PEX7: variants seen among roughly 807,000 people sequenced by gnomAD.
PEX7 encodes the protein PTS2 receptor.
PEX7 carries 34 observed loss-of-function variants against 47.5 expected under a neutral mutation model. The observed-to-expected ratio is 0.72, with a 90% CI of 0.54 to 0.95. PEX7 has a LOEUF of 0.95. PEX7 is among the 40% of genes least tolerant of loss of function. PEX7 has a pLI of 0.00. For missense variants in PEX7, 394 were observed against 400.3 expected, an observed-to-expected ratio of 0.98 and a Z score of 0.13; for synonymous variants, 141 against 148.8, an observed-to-expected ratio of 0.95 and a Z score of 0.38.
chr6:136,831,170 A>G (rs1368886084), intron 3 of PEX7, among the ~76,000 whole-genome samples: 2 of 152,202 alleles, frequency 1.3e-5, no homozygotes, highest in African/African-American at 4.8e-5. Context: ...ACAGTTCCAC[A>G]TGACTGGGGA....
chr6:136,898,003 A>C, intron 8 of PEX7, 139 bp from the exon 9 acceptor site: 1 of 633,464 alleles, frequency 1.6e-6, no homozygotes, highest in East Asian at 2.8e-5. Flanking sequence ...CGTAGGGCTT[A>C]ATAGTGGGGT....
At chr6:136,890,561 C>T (rs1254264458) in intron 8 of PEX7, among the ~76,000 whole-genome samples, 1 of 152,094 alleles carries the variant, frequency 6.6e-6, no homozygotes, top group Non-Finnish European at 1.5e-5. Flanking sequence ...TGTCTGTCTT[C>T]TCCCCCTCCT....
intron 8 of PEX7, among the ~76,000 whole-genome samples, chr6:136,891,949 A>C (rs1188478434): frequency 6.6e-6 from 1 of 152,142 alleles, no homozygotes; most frequent in Non-Finnish European, 1.5e-5. Context: ...AATCCCTTCC[A>C]AAAATGTTAC....
chr6:136,863,994 T>C (rs1366896913), intron 5 of PEX7, among the ~76,000 whole-genome samples: 1 of 152,182 alleles, frequency 6.6e-6, no homozygotes, highest in East Asian at 1.9e-4. Flanking sequence ...TGTAAAGCTG[T>C]AAAGTGTGCA....
At chr6:136,870,104 C>A in intron 7 of PEX7, 101 bp downstream of exon 7, 2 of 737,288 alleles carry the variant, frequency 2.7e-6, no homozygotes, top group Non-Finnish European at 2.1e-6. Flanking sequence ...ATTGGAGTTA[C>A]TAATTCTTTT....
At chr6:136,854,644 G>T (rs1230549019) in intron 5 of PEX7, among the ~76,000 whole-genome samples, 1 of 152,134 alleles carries the variant, frequency 6.6e-6, no homozygotes, top group African/African-American at 2.4e-5. Context: ...AGTCCAAGTC[G>T]AATTAAAGTT....
At chr6:136,898,085 T>TA in intron 8 of PEX7, 57 bp from the exon 9 acceptor site, 1 of 1,013,258 alleles carries the variant, frequency 9.9e-7, no homozygotes, top group Non-Finnish European at 1.6e-6. Context: ...TTTTTCTTAA[T>TA]ATAAGTTTTT....
At chr6:136,877,589 G>T (rs1775298313) in intron 8 of PEX7, among the ~76,000 whole-genome samples, 1 of 152,126 alleles carries the variant, frequency 6.6e-6, no homozygotes. Context: ...CCCATTGCTT[G>T]TTTTTGTCAG....
chr6:136,825,216 T>C lies in PEX7; in HGVS notation c.133T>C (p.Cys45Arg). 1.9e-6 allele frequency: 3 copies of C among 1,613,652 alleles called. No individual in the cohort carries two copies. Among genetic ancestry groups the C allele is most frequent in the Non-Finnish European group, 2.5e-6 (3 of 1,179,586 alleles). The change falls in exon 2 of 10, where the codon TGT becomes CGT. Residue 45 changes from cysteine (C) to arginine (R), a missense_variant and splice_region_variant. Transcript: ENST00000318471. ...ACCTTGATTTTTTTTCTCTTTAGGCTGTGGAACCCTACTAATATTGGATCC... is the reference window on the plus strand; with the variant it reads ...ACCTTGATTTTTTTTCTCTTTAGGCCGTGGAACCCTACTAATATTGGATCC... ...ATAQHYGIAG[C>R]GTLLILDPDE...
intron 1 of PEX7, among the ~76,000 whole-genome samples, chr6:136,823,967 C>T (rs1774137310): frequency 6.6e-6 from 1 of 152,192 alleles, no homozygotes; most frequent in African/African-American, 2.4e-5. Context: ...TAATTCATGT[C>T]CTAGCTATTA....
chr6:136,909,148 C>G (rs1178538587), intron 9 of PEX7, among the ~76,000 whole-genome samples: 1 of 152,172 alleles, frequency 6.6e-6, no homozygotes, highest in East Asian at 1.9e-4. Flanking sequence ...ACTTCTGACA[C>G]AGAGGAGGTT....
rs372621553 is a variant in PEX7, at chr6:136,862,982, A to G, written c.527-3645A>G. Among the ~76,000 whole-genome samples the G allele has an allele frequency of 2.4e-4, 36 of 152,330 alleles. 4 individuals are homozygous for G. Among genetic ancestry groups the G allele is most frequent in the Admixed American group, 9.8e-4 (15 of 15,300 alleles). On this transcript the variant is annotated intron_variant, in intron 5 of 9. Coordinates refer to ENST00000318471, the MANE Select transcript of PEX7 (RefSeq NM_000288.4). ...TATACACTGAAGGCTGGAGAAAGTC[A>G]TGAGAGATCATTTCATCAAAGCTAT... is the stretch of plus-strand genomic sequence containing the variant.
chr6:136,835,470 G>A (rs1426633085), intron 3 of PEX7, among the ~76,000 whole-genome samples: 1 of 151,774 alleles, frequency 6.6e-6, no homozygotes, highest in Non-Finnish European at 1.5e-5. Flanking sequence ...TGTATTTTTA[G>A]TAGAGACAGG....
chr6:136,867,422 A>G (rs9321577), intron 6 of PEX7, among the ~76,000 whole-genome samples: 3,046 of 152,236 alleles, frequency 0.02, 108 homozygotes, highest in African/African-American at 0.07. Flanking sequence ...GGTAGAAGAC[A>G]GTGATATTGA....
chr6:136,888,344 C>G (rs539829221), intron 8 of PEX7, among the ~76,000 whole-genome samples: 98 of 152,208 alleles, frequency 6.4e-4, no homozygotes, highest in African/African-American at 2.3e-3. Flanking sequence ...TGATATGATA[C>G]TGATTGTTAA....
At position 136,822,610 on chromosome 6, in the gene PEX7, C is replaced by G; in HGVS notation, c.-56C>G. 6.7e-7 allele frequency: 1 copy of G among 1,486,922 alleles called. No homozygotes were observed. Among genetic ancestry groups the G allele is most frequent in the Non-Finnish European group, 9.0e-7 (1 of 1,106,784 alleles). The allele number at this position is 1,486,922 out of a possible 1,614,324, so 92.1% of individuals were successfully genotyped here. A position where few individuals can be genotyped will look rare whatever the true frequency, so the allele number is the denominator to read the frequency against. On this transcript the variant is annotated 5_prime_UTR_variant, in exon 1 of 10. Coordinates refer to ENST00000318471, the MANE Select transcript of PEX7 (RefSeq NM_000288.4). Reference sequence around the variant, plus strand: ...TCTCTCTAACCGCGCCAGTGTGCCTCCGACTCGGAACGGCTTCCGCGGCCG... The same window carrying G: ...TCTCTCTAACCGCGCCAGTGTGCCTGCGACTCGGAACGGCTTCCGCGGCCG...
At position 136,850,969 on chromosome 6, in the gene PEX7, C is replaced by CT. The variant is rs200796690; in HGVS notation, c.526+4798dup. ...GTCTAAAGATATTTATTTCTGCTGT[C>CT]TTTTTTTTTTATTTTTTTTTTATTT... On this transcript the variant is annotated intron_variant, in intron 5 of 9. Transcript: ENST00000318471. 1.4e-3 allele frequency among the ~76,000 whole-genome samples: 104 copies of CT among 72,430 alleles called. 1 individual carries two copies. Among genetic ancestry groups the CT allele is most frequent in the African/African-American group, 4.0e-3 (76 of 19,162 alleles). The allele number at this position is 72,430 out of a possible 152,430, so 47.5% of individuals were successfully genotyped here.
chr6:136,908,135 T>G (rs965774987), intron 9 of PEX7, among the ~76,000 whole-genome samples: 3 of 152,202 alleles, frequency 2.0e-5, no homozygotes, highest in African/African-American at 7.2e-5. Context: ...TAGAAATTAA[T>G]AGGCTTTATT....
Position 136,900,813 on chromosome 6 carries a change from C to T in PEX7, c.903+2572C>T. ...CATCCCCTTTGCCAACAGCTTTCTT[C>T]TCAGCCTGGGCCAAGTCTCTGCCTC... On this transcript the variant is annotated intron_variant, in intron 9 of 9. Transcript: ENST00000318471. The surrounding 1 kb of genome is among the most constrained non-coding windows in gnomAD (Gnocchi z 4.2). 1 of 332,832 alleles carries T rather than the reference C, an allele frequency of 3.0e-6. No individual in the cohort carries two copies. The highest frequency in any genetic ancestry group is 4.0e-5 in the Admixed American group (1 of 24,906). The allele number at this position is 332,832 out of a possible 1,614,324, so 20.6% of individuals were successfully genotyped here. A position where few individuals can be genotyped will look rare whatever the true frequency, so the allele number is the denominator to read the frequency against.
Sources: gnomAD v4.1 joint callset for allele counts (sites outside exome capture counted in the v4.1 genomes callset) on GRCh38, gnomAD v4.1.1 for gene constraint, Gnocchi (gnomAD v3.1) non-coding constraint, MANE v1.5 for transcripts, NCBI Gene and HGNC (gene_info 2026-07-23, HGNC 2026-07-21) for gene names.